MRE11: variants seen among roughly 807,000 people sequenced by gnomAD.
The protein encoded by MRE11 is double-strand break repair protein MRE11.
Under a neutral mutation model 91.7 loss-of-function variants are expected in MRE11, and 62 were observed. The ratio of observed to expected loss-of-function variants is 0.68; its 90% CI spans 0.55 to 0.84. The LOEUF is 0.84. Among genes scored for constraint, MRE11 ranks in the 40% least tolerant of loss-of-function variants. The pLI, the probability that MRE11 is intolerant of heterozygous loss-of-function variation, is 0.00. For missense variants in MRE11, 796 were observed against 852.9 expected (o/e 0.93, Z 0.83); for synonymous variants, 273 against 271.4 (o/e 1.01, Z -0.06).
At position 94,459,451 on chromosome 11, in the gene MRE11, T is replaced by C. The variant is rs1352090447; in HGVS notation, c.1457A>G (p.Lys486Arg). The C allele has an allele frequency of 3.1e-6, 5 of 1,614,040 alleles. No individual in the cohort carries two copies. In the South Asian group the frequency reaches 5.5e-5, roughly 18 times the overall value. The change falls in exon 13 of 20, where the codon AAA (lysine) becomes AGA (arginine). Residue 486 changes from lysine (K) to arginine (R), a missense_variant. Transcript: ENST00000323929. ...TTCGAGGGCATCAATATGACGTTCT[T>C]TAAGAAATCGCTGTGTTTTTTCCAA... ...YQLEKTQRFLKERHIDALEDK... is the reference protein window; with the variant it reads ...YQLEKTQRFLRERHIDALEDK...
At chr11:94,499,595 A>G in the MRE11 span, 4 of 152,146 alleles carry the variant, frequency 2.6e-5, no homozygotes, top group East Asian at 3.8e-4. Context: ...GCATGAATTC[A>G]TTTTTTACCT....
chr11:94,469,133 A>AT (rs1469196736), intron 9 of MRE11, among the ~76,000 whole-genome samples: 1 of 150,870 alleles, frequency 6.6e-6, no homozygotes, highest in African/African-American at 2.5e-5. Context: ...ATGAACCTCT[A>AT]TTACTTTGTG....
the MRE11 span, among the ~76,000 whole-genome samples, chr11:94,503,061 A>G: frequency 7.2e-5 from 11 of 152,218 alleles, no homozygotes; most frequent in South Asian, 2.1e-4. Context: ...AACACTTAAC[A>G]TGAGATCTGC....
chr11:94,442,296 G>A (rs573765179), intron 16 of MRE11, among the ~76,000 whole-genome samples: 3 of 152,200 alleles, frequency 2.0e-5, no homozygotes, highest in African/African-American at 7.2e-5. Context: ...AGCAAGCTGA[G>A]AGAAAAACAG....
chr11:94,482,204 A>G (rs1013868967), intron 4 of MRE11, among the ~76,000 whole-genome samples: 1 of 152,328 alleles, frequency 6.6e-6, no homozygotes, highest in Admixed American at 6.5e-5. Context: ...CATTTTTCTT[A>G]TCATCTCAAT....
chr11:94,449,261 C>T (rs1946029031), intron 14 of MRE11, among the ~76,000 whole-genome samples: 1 of 152,114 alleles, frequency 6.6e-6, no homozygotes, highest in Admixed American at 6.6e-5. Flanking sequence ...TCACTGCATG[C>T]AGGGTTCAAT....
chr11:94,454,801 G>A (rs146885763), intron 14 of MRE11, among the ~76,000 whole-genome samples: 28 of 152,126 alleles, frequency 1.8e-4, no homozygotes, highest in African/African-American at 5.5e-4. Context: ...TCACTCAAAC[G>A]TAAAGAAATA....
At chr11:94,468,044 G>A (rs1231852819) in intron 9 of MRE11, 151 bp from the exon 10 acceptor site, 5 of 668,806 alleles carry the variant, frequency 7.5e-6, no homozygotes, top group Non-Finnish European at 1.4e-5. Flanking sequence ...ATACCTTCTT[G>A]TAATGCTCCT....
chr11:94,509,843 C>G, the MRE11 span, among the ~76,000 whole-genome samples: 1 of 152,172 alleles, frequency 6.6e-6, no homozygotes, highest in Non-Finnish European at 1.5e-5. Flanking sequence ...TTTTAAACAA[C>G]CTTGCATTCC....
At chr11:94,490,719 A>C in intron 3 of MRE11, 114 bp downstream of exon 3, 1 of 1,219,094 alleles carries the variant, frequency 8.2e-7, no homozygotes, top group Non-Finnish European at 1.2e-6. Context: ...TTGATATTCA[A>C]GCAGGCAAGG....
At chr11:94,445,675 A>C (rs1945906545) in intron 16 of MRE11, 135 bp downstream of exon 16, 2 of 729,318 alleles carry the variant, frequency 2.7e-6, no homozygotes, top group African/African-American at 3.5e-5. Flanking sequence ...TCTTTTAAAA[A>C]ATAATTTATC....
chr11:94,490,051 T>C (rs7358467), intron 3 of MRE11, among the ~76,000 whole-genome samples: 2,031 of 152,276 alleles, frequency 0.013, 37 homozygotes, highest in African/African-American at 0.046. Context: ...CTAAGGTCAA[T>C]ACTTCAAAAA....
chr11:94,471,447 A>G (rs913768609), intron 8 of MRE11, 127 bp downstream of exon 8: 1 of 851,966 alleles, frequency 1.2e-6, no homozygotes, highest in Non-Finnish European at 1.8e-6. Context: ...TTTCAAAAAT[A>G]AAGCTATCAT....
chr11:94,468,014 T>C (rs1031492035), intron 9 of MRE11, 121 bp from the exon 10 acceptor site: 1 of 744,042 alleles, frequency 1.3e-6, no homozygotes, highest in Non-Finnish European at 2.4e-6. Flanking sequence ...TCCTAGGTCA[T>C]TTATGACACC....
Position 94,420,901 on chromosome 11 carries a change from G to A in MRE11, c.2071-720C>T, listed in dbSNP as rs1050915320. Among the ~76,000 whole-genome samples the A allele has an allele frequency of 7.9e-5, 12 of 152,148 alleles. No individual in the cohort carries two copies. In the East Asian group the frequency reaches 1.7e-3, roughly 22 times the overall value. On this transcript the variant is annotated intron_variant, in intron 19 of 19. Coordinates refer to ENST00000323929, the MANE Select transcript of MRE11 (RefSeq NM_005591.4). ...CAAAAAATTGGCCGGGTGTGGTGGC[G>A]GGCGCCTGTAGTCCCAGCTACTCGG...
intron 3 of MRE11, among the ~76,000 whole-genome samples, chr11:94,487,399 A>G (rs952865057): frequency 6.6e-6 from 1 of 152,228 alleles, no homozygotes; most frequent in Non-Finnish European, 1.5e-5. Context: ...GAACCTAATC[A>G]TGAGGAAATA....
At chr11:94,497,519 A>G (rs1244515030), upstream of MRE11, 2 of 157,402 alleles carry the variant, frequency 1.3e-5, no homozygotes, top group Non-Finnish European at 2.8e-5. Flanking sequence ...AGCATGCCAC[A>G]TTTAACCAGA....
intron 19 of MRE11, among the ~76,000 whole-genome samples, chr11:94,426,434 T>G (rs1565200015): frequency 9.5e-5 from 2 of 21,008 alleles, no homozygotes; most frequent in African/African-American, 2.4e-4. Flanking sequence ...AACAATTTGT[T>G]AATTTAAATC....
intron 4 of MRE11, among the ~76,000 whole-genome samples, chr11:94,484,175 T>C (rs1280400210): frequency 6.6e-6 from 1 of 152,080 alleles, no homozygotes; most frequent in Non-Finnish European, 1.5e-5. Context: ...AAGCCACAAG[T>C]AAATTATGAT....
Sources: gnomAD v4.1 joint callset for allele counts (sites outside exome capture counted in the v4.1 genomes callset) on GRCh38, gnomAD v4.1.1 for gene constraint, MANE v1.5 for transcripts, NCBI Gene and HGNC (gene_info 2026-07-23, HGNC 2026-07-21) for gene names.